PHF24: variants seen among roughly 807,000 people sequenced by gnomAD.
PHF24 encodes the protein Galpha inhibitory interacting protein.
A neutral mutation model predicts 42.6 loss-of-function variants in PHF24; 25 were observed. The observed-to-expected ratio is 0.59, with a 90% CI of 0.43 to 0.82. PHF24 has a LOEUF of 0.82. Ranked by LOEUF, PHF24 falls within the 40% of genes least tolerant of loss-of-function variation. PHF24 has a pLI of 0.00. For missense variants in PHF24, 470 were observed against 538.1 expected, an observed-to-expected ratio of 0.87 and a Z score of 1.25; for synonymous variants, 185 against 204.8, an observed-to-expected ratio of 0.90 and a Z score of 0.83.
chr9:34,916,750 G>C, the PHF24 span, among the ~76,000 whole-genome samples: 1 of 152,178 alleles, frequency 6.6e-6, no homozygotes, highest in Non-Finnish European at 1.5e-5. Context: ...TGGTTTGTTT[G>C]TGTGGTAAGT....
the PHF24 span, among the ~76,000 whole-genome samples, chr9:34,670,583 C>G: frequency 6.6e-6 from 1 of 152,104 alleles, no homozygotes; most frequent in Non-Finnish European, 1.5e-5. Flanking sequence ...GCTTCAGCTC[C>G]GAGAATTTCA....
the PHF24 span, among the ~76,000 whole-genome samples, chr9:34,688,150 A>C: frequency 6.6e-6 from 1 of 151,980 alleles, no homozygotes; most frequent in Non-Finnish European, 1.5e-5. Context: ...CAACTCCCTC[A>C]CCATTTCTCC....
the PHF24 span, among the ~76,000 whole-genome samples, chr9:34,773,991 T>C: frequency 6.6e-6 from 1 of 152,190 alleles, no homozygotes; most frequent in African/African-American, 2.4e-5. Flanking sequence ...AATATTAGTA[T>C]ATTGATGATA....
At chr9:34,720,749 C>T in the PHF24 span, among the ~76,000 whole-genome samples, 11 of 152,172 alleles carry the variant, frequency 7.2e-5, no homozygotes, top group South Asian at 2.1e-4. Flanking sequence ...CATGCTCTTG[C>T]GCAGTCTCCA....
the PHF24 span, among the ~76,000 whole-genome samples, chr9:34,921,892 C>A: frequency 1.3e-5 from 2 of 152,108 alleles, no homozygotes; most frequent in Non-Finnish European, 2.9e-5. Flanking sequence ...TAACACTGGC[C>A]CTTGTAAAGC....
the PHF24 span, among the ~76,000 whole-genome samples, chr9:34,814,969 G>A: frequency 6.6e-6 from 1 of 152,140 alleles, no homozygotes. Flanking sequence ...TCGAACTCCC[G>A]ACCTCAGGTG....
At chr9:34,896,149 A>G in the PHF24 span, among the ~76,000 whole-genome samples, 1 of 152,190 alleles carries the variant, frequency 6.6e-6, no homozygotes, top group Non-Finnish European at 1.5e-5. Flanking sequence ...TAAGAGAGAC[A>G]GTGGATAGAT....
At chr9:34,866,139 C>G in the PHF24 span, among the ~76,000 whole-genome samples, 2 of 152,136 alleles carry the variant, frequency 1.3e-5, no homozygotes, top group Non-Finnish European at 2.9e-5. Flanking sequence ...ATTTTTAATT[C>G]CTGAAATCCA....
At chr9:34,728,643 T>G in the PHF24 span, 9 of 1,551,384 alleles carry the variant, frequency 5.8e-6, no homozygotes, top group Non-Finnish European at 7.0e-6. Context: ...TTTGCCTGAC[T>G]TTTTGGTGAC....
At chr9:34,869,726 T>G in the PHF24 span, among the ~76,000 whole-genome samples, 1 of 152,126 alleles carries the variant, frequency 6.6e-6, no homozygotes, top group Admixed American at 6.6e-5. Context: ...GTTTGTTTTG[T>G]TTTTGGCTGC....
the PHF24 span, among the ~76,000 whole-genome samples, chr9:34,908,351 G>A: frequency 2.6e-5 from 4 of 152,076 alleles, no homozygotes; most frequent in Non-Finnish European, 4.4e-5. Flanking sequence ...TTGTTTATGT[G>A]AAAGGCATTG....
At chr9:34,737,544 G>T in the PHF24 span, among the ~76,000 whole-genome samples, 2 of 151,950 alleles carry the variant, frequency 1.3e-5, no homozygotes, top group Non-Finnish European at 2.9e-5. Context: ...AGTTCTCTTG[G>T]GTATATACAT....
At chr9:34,752,757 T>G in the PHF24 span, among the ~76,000 whole-genome samples, 2 of 152,086 alleles carry the variant, frequency 1.3e-5, no homozygotes, top group African/African-American at 2.4e-5. Context: ...AGGCCAGTGT[T>G]CCTGATGAAC....
chr9:34,676,899 AG>A, the PHF24 span, among the ~76,000 whole-genome samples: 1 of 152,202 alleles, frequency 6.6e-6, no homozygotes, highest in East Asian at 1.9e-4. Flanking sequence ...GACAGCCCCA[AG>A]GGGGTGGGGC....
chr9:34,788,531 A>G, the PHF24 span, among the ~76,000 whole-genome samples: 1 of 152,210 alleles, frequency 6.6e-6, no homozygotes, highest in African/African-American at 2.4e-5. Flanking sequence ...CTTCTTTTCA[A>G]GGATACTAGG....
At chr9:34,873,298 G>T in the PHF24 span, among the ~76,000 whole-genome samples, 2 of 151,980 alleles carry the variant, frequency 1.3e-5, no homozygotes, top group Non-Finnish European at 1.5e-5. Context: ...GTCCTGAATG[G>T]TATTGCCTAG....
the PHF24 span, among the ~76,000 whole-genome samples, chr9:34,707,081 A>G: frequency 6.6e-6 from 1 of 152,034 alleles, no homozygotes; most frequent in Non-Finnish European, 1.5e-5. Flanking sequence ...CGAAGGGATT[A>G]GTGTGTACAT....
chr9:34,834,014 C>G, the PHF24 span: 1 of 1,549,148 alleles, frequency 6.5e-7, no homozygotes, highest in South Asian at 1.2e-5. Context: ...AGACAAGACT[C>G]GGAGCAGCTT....
At chr9:34,866,747 G>A in the PHF24 span, among the ~76,000 whole-genome samples, 1 of 152,164 alleles carries the variant, frequency 6.6e-6, no homozygotes. Flanking sequence ...TAGAAATCCA[G>A]TACCTCACTG....
Sources: allele counts gnomAD v4.1 joint callset (sites outside exome capture counted in the v4.1 genomes callset), GRCh38; gene constraint gnomAD v4.1.1; transcripts MANE v1.5; gene names NCBI Gene and HGNC (gene_info 2026-07-23, HGNC 2026-07-21).